Variants in KIAA1958 observed in about 807,000 individuals in gnomAD.
KIAA1958 encodes uncharacterized protein KIAA1958.
KIAA1958 carries 14 observed loss-of-function variants against 47.2 expected under a neutral mutation model. The ratio of observed to expected loss-of-function variants is 0.30; its 90% CI spans 0.20 to 0.46. KIAA1958 has a LOEUF of 0.46. KIAA1958 is among the 20% of genes least tolerant of loss of function. KIAA1958 has a pLI of 1.00. For synonymous variants in KIAA1958, 354 were observed against 353.3 expected (o/e 1.00, Z -0.02); for missense variants, 803 against 909.2 (o/e 0.88, Z 1.50).
In KIAA1958 at chr9:112,572,456, G is replaced by C. The variant is rs75684837; in HGVS notation, c.-24-1601G>C. Among the ~76,000 whole-genome samples the C allele has an allele frequency of 3.6e-3, 555 of 152,272 alleles. 3 individuals carry two copies. The highest frequency in any genetic ancestry group is 0.013 in the African/African-American group (521 of 41,558). ...TCCTCACTGATGAGTGAATAATTAA[G>C]TCATAGTTTCTGCCTTCAGGAAATT... On this transcript the variant is annotated intron_variant, in intron 1 of 3. Coordinates refer to ENST00000337530, the MANE Select transcript of KIAA1958 (RefSeq NM_133465.4).
intron 2 of KIAA1958, among the ~76,000 whole-genome samples, chr9:112,641,386 G>A (rs1231389254): frequency 3.1e-5 from 3 of 96,722 alleles, no homozygotes; most frequent in Non-Finnish European, 6.3e-5. Flanking sequence ...GATTCTTCTC[G>A]CTATGTTGAC....
At chr9:112,639,010 A>C (rs1333748834) in intron 2 of KIAA1958, among the ~76,000 whole-genome samples, 1 of 152,198 alleles carries the variant, frequency 6.6e-6, no homozygotes, top group East Asian at 1.9e-4. Context: ...ACGAATTTTG[A>C]AATTAAGTTG....
Position 112,522,160 on chromosome 9 carries a change from G to A in KIAA1958, c.-25+35042G>A, listed in dbSNP as rs185496136. Among the ~76,000 whole-genome samples the A allele has an allele frequency of 6.0e-4, 91 of 152,078 alleles. 1 individual carries two copies. The highest frequency in any genetic ancestry group is 2.1e-3 in the African/African-American group (86 of 41,486). ...CTAATTTTCTATTTTTAGTAGAGAC[G>A]AGGTTTCTCCTTGTTGGTCAGGCTG... On this transcript the variant is annotated intron_variant, in intron 1 of 3. Coordinates refer to ENST00000337530, the MANE Select transcript of KIAA1958 (RefSeq NM_133465.4).
intron 2 of KIAA1958, among the ~76,000 whole-genome samples, chr9:112,584,470 C>G (rs554097805): frequency 1.3e-5 from 2 of 152,256 alleles, no homozygotes; most frequent in African/African-American, 4.8e-5. Context: ...ATTGCTGTTA[C>G]CGAATGTGGA....
intron 1 of KIAA1958, among the ~76,000 whole-genome samples, chr9:112,548,184 A>G (rs1454756332): frequency 1.3e-5 from 2 of 151,850 alleles, no homozygotes; most frequent in African/African-American, 4.8e-5. Flanking sequence ...TTTTGTTGAG[A>G]TAAGTTTCAC....
chr9:112,632,563 C>A lies in KIAA1958; in HGVS notation c.1172-13087C>A, dbSNP rs982505534. Among the ~76,000 whole-genome samples the A allele has an allele frequency of 5.3e-5, 8 of 152,070 alleles. 1 individual carries two copies. Among genetic ancestry groups the A allele is most frequent in the African/African-American group, 1.4e-4 (6 of 41,430 alleles). ...CCTTTTTGTATTTTTGATAATCTGG[C>A]AAATGAAATATATCTCATTTTAATT... On this transcript the variant is annotated intron_variant, in intron 2 of 3. Coordinates refer to ENST00000337530, the MANE Select transcript of KIAA1958 (RefSeq NM_133465.4).
intron 1 of KIAA1958, among the ~76,000 whole-genome samples, chr9:112,517,029 A>G (rs1834448230): frequency 6.6e-6 from 1 of 152,250 alleles, no homozygotes; most frequent in Non-Finnish European, 1.5e-5. Flanking sequence ...AGTGATTGGT[A>G]TAAGAGTGTG....
At chr9:112,592,495 A>T (rs1317054327) in intron 2 of KIAA1958, among the ~76,000 whole-genome samples, 1 of 152,232 alleles carries the variant, frequency 6.6e-6, no homozygotes, top group African/African-American at 2.4e-5. Context: ...TCATTTATAA[A>T]ACAAGGAAAG....
At chr9:112,658,333 T>G (rs1837188882) in intron 3 of KIAA1958, among the ~76,000 whole-genome samples, 1 of 152,224 alleles carries the variant, frequency 6.6e-6, no homozygotes, top group Admixed American at 6.5e-5. Flanking sequence ...AACCAAATGT[T>G]CTGTGCAGAT....
At chr9:112,654,552 C>T (rs192289910) in intron 3 of KIAA1958, among the ~76,000 whole-genome samples, 1 of 152,180 alleles carries the variant, frequency 6.6e-6, no homozygotes, top group Admixed American at 6.5e-5. Context: ...ATCCTGATGG[C>T]CTTGGAGTCC....
intron 2 of KIAA1958, among the ~76,000 whole-genome samples, chr9:112,645,135 C>CA (rs11327633): frequency 9.7e-4 from 132 of 136,394 alleles, no homozygotes; most frequent in East Asian, 4.0e-3. Context: ...AACTTTGTCT[C>CA]AAAAAAAAAA....
At chr9:112,659,162 A>C in intron 3 of KIAA1958, 101 bp from the exon 4 acceptor site, 3 of 946,214 alleles carry the variant, frequency 3.2e-6, no homozygotes, top group Non-Finnish European at 4.8e-6. Flanking sequence ...CTAAGGGGTC[A>C]CAGAATGTCC....
intron 2 of KIAA1958, among the ~76,000 whole-genome samples, chr9:112,595,837 G>A (rs1325265278): frequency 6.6e-6 from 1 of 151,622 alleles, no homozygotes; most frequent in Non-Finnish European, 1.5e-5. Flanking sequence ...CCAGGCTGGA[G>A]TGCAATGGTG....
intron 1 of KIAA1958, among the ~76,000 whole-genome samples, chr9:112,497,656 T>G (rs980184265): frequency 6.6e-6 from 1 of 152,202 alleles, no homozygotes; most frequent in Non-Finnish European, 1.5e-5. Flanking sequence ...CTTGTGTATG[T>G]GCTAGGTTCA....
intron 1 of KIAA1958, among the ~76,000 whole-genome samples, chr9:112,515,897 A>AG (rs1267859587): frequency 2.8e-5 from 4 of 141,358 alleles, no homozygotes; most frequent in Admixed American, 2.8e-4. Context: ...AATAAATTAA[A>AG]AAAAAAAAAA....
intron 2 of KIAA1958, among the ~76,000 whole-genome samples, chr9:112,633,145 C>T (rs1253060836): frequency 1.3e-5 from 2 of 151,072 alleles, no homozygotes; most frequent in African/African-American, 4.9e-5. Flanking sequence ...TTGTCTATTT[C>T]TTACAAATAC....
intron 1 of KIAA1958, among the ~76,000 whole-genome samples, chr9:112,527,214 A>T (rs1352059904): frequency 6.6e-6 from 1 of 152,208 alleles, no homozygotes; most frequent in East Asian, 1.9e-4. Flanking sequence ...AGACTACCTT[A>T]GTACAAAGAA....
At chr9:112,568,063 A>T (rs770565616) in intron 1 of KIAA1958, among the ~76,000 whole-genome samples, 3 of 152,192 alleles carry the variant, frequency 2.0e-5, no homozygotes, top group Non-Finnish European at 4.4e-5. Context: ...TATTTGAGAA[A>T]CATAAAAACA....
chr9:112,652,156 G>A (rs560621846), intron 3 of KIAA1958, among the ~76,000 whole-genome samples: 50 of 152,200 alleles, frequency 3.3e-4, no homozygotes, highest in African/African-American at 9.6e-4. Context: ...GTGAGCCACC[G>A]TGCCCAGCCC....
Sources: allele counts gnomAD v4.1 joint callset (sites outside exome capture counted in the v4.1 genomes callset), GRCh38; gene constraint gnomAD v4.1.1; transcripts MANE v1.5; gene names NCBI Gene and HGNC (gene_info 2026-07-23, HGNC 2026-07-21).